The following KIAA0319L variants were observed in gnomAD, a reference collection of about 807,000 sequenced individuals.
The protein encoded by KIAA0319L is dyslexia-associated protein KIAA0319-like protein.
A neutral mutation model predicts 120.1 loss-of-function variants in KIAA0319L; 55 were observed. The observed-to-expected ratio is 0.46, with a 90% CI of 0.37 to 0.57. The LOEUF is 0.57. Among genes scored for constraint, KIAA0319L ranks in the 20% least tolerant of loss-of-function variants. The pLI, the probability that KIAA0319L is intolerant of heterozygous loss-of-function variation, is 0.00. For missense variants in KIAA0319L, 1,049 were observed against 1,255.3 expected, an observed-to-expected ratio of 0.84 and a Z score of 2.48; for synonymous variants, 398 against 471.9, an observed-to-expected ratio of 0.84 and a Z score of 2.03.
intron 2 of KIAA0319L, among the ~76,000 whole-genome samples, chr1:35,531,233 C>T (rs1646354058): frequency 6.6e-6 from 1 of 152,138 alleles, no homozygotes; most frequent in South Asian, 2.1e-4. Context: ...ATTTCATACT[C>T]TGGGGAGCTT....
intron 2 of KIAA0319L, among the ~76,000 whole-genome samples, chr1:35,512,871 CAAAAAAAAAA>C (rs746942793): frequency 2.1e-5 from 1 of 48,398 alleles, no homozygotes; most frequent in African/African-American, 5.7e-5. Flanking sequence ...GACTCCATCT[CAAAAAAAAAA>C]AAAAAAAAAA....
intron 2 of KIAA0319L, among the ~76,000 whole-genome samples, chr1:35,538,805 G>A (rs1049933259): frequency 6.6e-5 from 10 of 151,654 alleles, no homozygotes; most frequent in African/African-American, 1.7e-4. Flanking sequence ...TTTTTCTGAC[G>A]TGTTTTTACT....
intron 3 of KIAA0319L, among the ~76,000 whole-genome samples, chr1:35,484,483 T>C (rs533012608): frequency 6.6e-6 from 1 of 152,286 alleles, no homozygotes; most frequent in South Asian, 2.1e-4. Context: ...TTTCTGTGTA[T>C]TGCCCTTATA....
At position 35,554,444 on chromosome 1, in the gene KIAA0319L, T is replaced by C; in HGVS notation, c.48A>G (p.Leu16=). The C allele has an allele frequency of 6.2e-7, 1 of 1,613,208 alleles. No individual in the cohort carries two copies. The highest frequency in any genetic ancestry group is 8.5e-7 in the Non-Finnish European group (1 of 1,179,732). ...GVKPNPASWI[L]SGYYWQTSAK... ...CAGATGTCTGCCAATAATATCCTGA[T>C]AAAATCCAGGAAGCAGGATTTGGCT... is the stretch of plus-strand genomic sequence containing the variant. The change falls in exon 2 of 21, where the codon TTA becomes TTG. Residue 16 remains leucine (L), a synonymous_variant. Coordinates refer to ENST00000325722, the MANE Select transcript of KIAA0319L (RefSeq NM_024874.5).
At position 35,519,176 on chromosome 1, in the gene KIAA0319L, C is replaced by T. The variant is rs188671825; in HGVS notation, c.143-12041G>A. 1.3e-4 allele frequency among the ~76,000 whole-genome samples: 20 copies of T among 152,064 alleles called. No homozygotes were observed. The East Asian group carries it at 2.9e-3, about 22-fold the overall frequency. ...GGTATAAACCAGGCAAATCTGGTGT[C>T]CCTGGGAACGTGAAATTTTGAGAGG... On this transcript the variant is annotated intron_variant, in intron 2 of 20. Transcript: ENST00000325722.
At chr1:35,491,158 G>T (rs1325749870) in intron 3 of KIAA0319L, among the ~76,000 whole-genome samples, 1 of 152,086 alleles carries the variant, frequency 6.6e-6, no homozygotes, top group Admixed American at 6.6e-5. Context: ...TAACCTTAAA[G>T]AATTTCAATA....
At chr1:35,548,281 T>A (rs1647060174) in intron 2 of KIAA0319L, among the ~76,000 whole-genome samples, 1 of 152,132 alleles carries the variant, frequency 6.6e-6, no homozygotes, top group South Asian at 2.1e-4. Flanking sequence ...TTCATTAACA[T>A]GCTAATGGAT....
chr1:35,523,293 C>T (rs1645999177), intron 2 of KIAA0319L, among the ~76,000 whole-genome samples: 1 of 152,188 alleles, frequency 6.6e-6, no homozygotes, highest in Admixed American at 6.5e-5. Flanking sequence ...ACACTGTAAC[C>T]TCCAGGACCA....
chr1:35,470,294 A>C (rs975843522), intron 6 of KIAA0319L, among the ~76,000 whole-genome samples: 1 of 151,986 alleles, frequency 6.6e-6, no homozygotes, highest in African/African-American at 2.4e-5. Context: ...GGTGTTCAAG[A>C]CCAGCCTGGG....
At chr1:35,542,754 T>C (rs766388969) in intron 2 of KIAA0319L, among the ~76,000 whole-genome samples, 1 of 152,252 alleles carries the variant, frequency 6.6e-6, no homozygotes, top group Non-Finnish European at 1.5e-5. Context: ...TTAGAAGCTG[T>C]TCCAATTACT....
At position 35,479,190 on chromosome 1, in the gene KIAA0319L, G is replaced by C; in HGVS notation, c.689C>G (p.Ser230Cys). The change falls in exon 4 of 21, where the codon TCC becomes TGC. Residue 230 changes from serine (S) to cysteine (C), a missense_variant. Transcript: ENST00000325722. The part of the protein sequence containing the change: ...SAEVHKAITI[S>C]SPLTTDLTAE... ...AGTCAGGTCTGTGGTTAGGGGACTG[G>C]AAATTGTAATCGCCTTGTGGACCTA... 6.2e-7 allele frequency: 1 copy of C among 1,613,682 alleles called. No homozygotes were observed. Among genetic ancestry groups the C allele is most frequent in the South Asian group, 1.1e-5 (1 of 91,072 alleles).
At chr1:35,479,344 T>C in intron 3 of KIAA0319L, 132 bp from the exon 4 acceptor site, 1 of 685,642 alleles carries the variant, frequency 1.5e-6, no homozygotes, top group South Asian at 2.0e-5. Flanking sequence ...AAGAAACTAA[T>C]CTCACCACCC....
intron 3 of KIAA0319L, among the ~76,000 whole-genome samples, chr1:35,479,498 T>A (rs1379348810): frequency 6.6e-6 from 1 of 152,230 alleles, no homozygotes; most frequent in Admixed American, 6.5e-5. Flanking sequence ...TGTTAACATT[T>A]CTATTCAATC....
intron 10 of KIAA0319L, among the ~76,000 whole-genome samples, chr1:35,454,914 T>C (rs1343225940): frequency 1.3e-5 from 2 of 152,218 alleles, no homozygotes; most frequent in East Asian, 3.9e-4. Context: ...CAGTGAAACA[T>C]GGCAGCAGCT....
rs756018620 is a variant in KIAA0319L at position 35,462,689 on chromosome 1, A to G, written c.1226T>C (p.Ile409Thr). 2.5e-6 allele frequency: 4 copies of G among 1,614,046 alleles called. No homozygotes were observed. The South Asian group carries it at 3.3e-5, about 13-fold the overall frequency. The change falls in exon 8 of 21, where the codon ATT (isoleucine) becomes ACT (threonine). Residue 409 changes from isoleucine (I) to threonine (T), a missense_variant. Ile to Thr is a moderately conservative substitution (Grantham distance 89). Transcript: ENST00000325722. ...CTGGAACTGAGGTGACACAATAGCA[A>G]TGGGGGGCCGATTCTTACGGGGCTC... ...KPEPRKNRPP[I>T]AIVSPQFQEI...
At chr1:35,540,485 AAC>A (rs1646746762) in intron 2 of KIAA0319L, among the ~76,000 whole-genome samples, 1 of 152,102 alleles carries the variant, frequency 6.6e-6, no homozygotes, top group Non-Finnish European at 1.5e-5. Flanking sequence ...TCACCACAGG[AAC>A]ACACTTCCAA....
intron 2 of KIAA0319L, among the ~76,000 whole-genome samples, chr1:35,516,888 C>T (rs1645702210): frequency 6.6e-6 from 1 of 152,106 alleles, no homozygotes; most frequent in African/African-American, 2.4e-5. Context: ...GTACAAAAAT[C>T]ACTAGCATTC....
intron 3 of KIAA0319L, among the ~76,000 whole-genome samples, chr1:35,494,171 G>A (rs940558317): frequency 1.3e-4 from 20 of 151,994 alleles, no homozygotes; most frequent in South Asian, 2.1e-4. Context: ...TATTACAGCC[G>A]GGCTCAATGG....
intron 5 of KIAA0319L, among the ~76,000 whole-genome samples, chr1:35,473,080 CTTTTTTTTTTT>C (rs962861379): frequency 3.3e-4 from 30 of 90,496 alleles, no homozygotes; most frequent in Non-Finnish European, 4.2e-4. Flanking sequence ...TGCGCCCAGC[CTTTTTTTTTTT>C]TTTTTTTTTT....
Sources: allele counts gnomAD v4.1 joint callset (sites outside exome capture counted in the v4.1 genomes callset), GRCh38; gene constraint gnomAD v4.1.1; transcripts MANE v1.5; gene names NCBI Gene and HGNC (gene_info 2026-07-23, HGNC 2026-07-21).